Variants in HSPA12A observed in about 807,000 individuals in gnomAD.
HSPA12A encodes heat shock 70 kDa protein 12A.
A neutral mutation model predicts 69.2 loss-of-function variants in HSPA12A; 28 were observed. The observed-to-expected ratio is 0.40, with a 90% confidence interval of 0.30 to 0.55. HSPA12A has a LOEUF of 0.55. HSPA12A is among the 20% of genes least tolerant of loss of function. The pLI, the probability that HSPA12A is intolerant of heterozygous loss-of-function variation, is 0.38. For missense variants in HSPA12A, 686 were observed against 900.7 expected (o/e 0.76, Z 3.05); for synonymous variants, 345 against 370.5 (o/e 0.93, Z 0.79).
chr10:116,672,452 G>C lies in HSPA12A; in HGVS notation c.*2329C>G, dbSNP rs1029541612. ...TGTGCATGGAGAAGGGTCTGATGAG[G>C]CTCCTGATCCAGGCGGTCCACGTGC... is the stretch of plus-strand genomic sequence containing the variant. On this transcript the variant is annotated 3_prime_UTR_variant, in exon 12 of 12. Coordinates refer to ENST00000369209, the MANE Select transcript of HSPA12A (RefSeq NM_025015.3). 8 of 152,228 alleles carry C rather than the reference G, an allele frequency of 5.3e-5. No individual in the cohort carries two copies. Among genetic ancestry groups the C allele is most frequent in the Non-Finnish European group, 1.2e-4 (8 of 68,060 alleles). 9.4% of individuals were successfully genotyped at this position (152,228 alleles called of 1,614,324 possible). A position where few individuals can be genotyped will look rare whatever the true frequency, so the allele number is the denominator to read the frequency against.
At chr10:116,843,154 C>T (rs1845830489) in intron 1 of HSPA12A, among the ~76,000 whole-genome samples, 1 of 152,162 alleles carries the variant, frequency 6.6e-6, no homozygotes, top group Non-Finnish European at 1.5e-5. Context: ...CACATTTTGA[C>T]TATGGCTCCA....
intron 6 of HSPA12A, among the ~76,000 whole-genome samples, chr10:116,689,638 C>T (rs111494204): frequency 7.7e-6 from 1 of 130,134 alleles, no homozygotes; most frequent in African/African-American, 3.0e-5. Flanking sequence ...GACAGACAGA[C>T]AGATAGATAA....
At chr10:116,681,321 G>T in intron 8 of HSPA12A, 65 bp from the exon 9 acceptor site, 2 of 1,343,958 alleles carry the variant, frequency 1.5e-6, no homozygotes, top group East Asian at 2.3e-5. Context: ...CAAGCTTGTG[G>T]GTGGTAACTA....
intron 1 of HSPA12A, among the ~76,000 whole-genome samples, chr10:116,720,451 G>A (rs551356628): frequency 2.0e-5 from 3 of 152,314 alleles, no homozygotes; most frequent in East Asian, 1.9e-4. Context: ...CCGGGGCAGC[G>A]CCCTAGTCAG....
chr10:116,847,183 A>T (rs954966396), intron 1 of HSPA12A, among the ~76,000 whole-genome samples: 8 of 152,158 alleles, frequency 5.3e-5, no homozygotes, highest in African/African-American at 1.9e-4. Flanking sequence ...ATTTCCGTTA[A>T]CTATCACAGA....
rs185665380 is a variant in HSPA12A at position 116,813,449 on chromosome 10, G to A, written c.91+21486C>T. 9.2e-3 allele frequency among the ~76,000 whole-genome samples: 1,393 copies of A among 151,758 alleles called. 18 individuals carry two copies. The highest frequency in any genetic ancestry group is 0.031 in the African/African-American group (1,303 of 41,442). On this transcript the variant is annotated intron_variant, in intron 2 of 12. Coordinates refer to the HSPA12A transcript ENST00000635765. ...TTTTTCGTAGAGACAGGGTTTCACC[G>A]TGTTAGCCAGGATGGTCTTGATCTC...
rs80253466 is a variant in HSPA12A, at chr10:116,752,715, C to T, written c.92-45430G>A. 3.2e-3 allele frequency among the ~76,000 whole-genome samples: 494 copies of T among 152,302 alleles called. 2 individuals are homozygous for T. The highest frequency in any genetic ancestry group is 0.027 in the Middle Eastern group (8 of 294). ...AGTTAGATTATACTTGCTCCATCCC[C>T]GCCTAGCTGTGTGGCCTTGAGTGAC... On this transcript the variant is annotated intron_variant, in intron 2 of 12. Coordinates refer to the HSPA12A transcript ENST00000635765.
chr10:116,817,674 G>A (rs922175229), intron 2 of HSPA12A, among the ~76,000 whole-genome samples: 1 of 152,082 alleles, frequency 6.6e-6, no homozygotes, highest in African/African-American at 2.4e-5. Flanking sequence ...AAATATTTCA[G>A]GCTTGTCACC....
chr10:116,783,921 C>T (rs1844518904), intron 2 of HSPA12A, among the ~76,000 whole-genome samples: 1 of 152,202 alleles, frequency 6.6e-6, no homozygotes, highest in African/African-American at 2.4e-5. Flanking sequence ...CCAGTACGGT[C>T]TTGAACTCTT....
At chr10:116,826,220 C>G (rs535613868) in intron 2 of HSPA12A, among the ~76,000 whole-genome samples, 2 of 152,262 alleles carry the variant, frequency 1.3e-5, no homozygotes, top group South Asian at 2.1e-4. Context: ...TTCACAGCAC[C>G]AAGTTCCTTG....
At chr10:116,679,397 C>G (rs1589620252) in intron 10 of HSPA12A, 106 bp downstream of exon 10, 1 of 1,372,620 alleles carries the variant, frequency 7.3e-7, no homozygotes, top group Middle Eastern at 2.7e-4. Flanking sequence ...GGTCATACAG[C>G]AAGTGTGTAG....
intron 2 of HSPA12A, among the ~76,000 whole-genome samples, chr10:116,808,152 A>T (rs1485826300): frequency 1.3e-5 from 2 of 152,038 alleles, no homozygotes; most frequent in East Asian, 3.9e-4. Flanking sequence ...GGGCTTTTGG[A>T]GGAATATAGA....
At chr10:116,806,378 G>A (rs529546543) in intron 2 of HSPA12A, among the ~76,000 whole-genome samples, 1 of 152,094 alleles carries the variant, frequency 6.6e-6, no homozygotes, top group African/African-American at 2.4e-5. Context: ...GCTAATTTTT[G>A]TATTTTTTTG....
intron 1 of HSPA12A, among the ~76,000 whole-genome samples, chr10:116,721,441 G>A (rs554722055): frequency 1.3e-5 from 2 of 152,306 alleles, no homozygotes; most frequent in Non-Finnish European, 2.9e-5. Flanking sequence ...GAGGCCAGCA[G>A]GGTGCCCCCT....
rs79312130 is a variant in HSPA12A at position 116,752,137 on chromosome 10, G to A, written c.92-44852C>T. On this transcript the variant is annotated intron_variant, in intron 2 of 12. Coordinates refer to the HSPA12A transcript ENST00000635765. Reference sequence around the variant, plus strand: ...GTTGGCCTCTATTTCAGATGGGGACGTTGGGGGTGGTGAGGTCAAGTCACC... The same window carrying A: ...GTTGGCCTCTATTTCAGATGGGGACATTGGGGGTGGTGAGGTCAAGTCACC... Among the ~76,000 whole-genome samples, 1,040 of 152,302 alleles carry A rather than the reference G, an allele frequency of 6.8e-3. 11 individuals are homozygous for A. The highest frequency in any genetic ancestry group is 0.024 in the African/African-American group (986 of 41,560).
At chr10:116,791,879 G>T (rs971099073) in intron 2 of HSPA12A, among the ~76,000 whole-genome samples, 5 of 151,998 alleles carry the variant, frequency 3.3e-5, no homozygotes, top group Non-Finnish European at 7.4e-5. Flanking sequence ...GTGTTCTCAA[G>T]CATCTACTAT....
chr10:116,840,422 T>TCCTTTGTTCTTACCCCAAAAAAACATA (rs1386766412), intron 1 of HSPA12A, among the ~76,000 whole-genome samples: 7 of 152,204 alleles, frequency 4.6e-5, no homozygotes, highest in African/African-American at 1.7e-4. Context: ...AAAGTTATAG[T>TCCTTTGTTCTTACCCCAAAAAAACATA]CCTTTGTTCT....
intron 1 of HSPA12A, among the ~76,000 whole-genome samples, chr10:116,840,856 G>C (rs1220387559): frequency 4.6e-5 from 7 of 152,202 alleles, no homozygotes; most frequent in African/African-American, 1.7e-4. Flanking sequence ...ATTGCTCAGT[G>C]ATGTTTTAAA....
Position 116,676,458 on chromosome 10 carries a change from C to T in HSPA12A, c.1331G>A (p.Ser444Asn), listed in dbSNP as rs782446909. ...KWSSQGMLRM[S>N]PDAMNALFKP... ...AAAAAGGGCGTTCATGGCATCTGGA[C>T]TCATCCGCAGCATCCCCTGCGAGGA... The change falls in exon 11 of 12, where the codon AGT becomes AAT. Residue 444 changes from serine (S) to asparagine (N), a missense_variant. By Grantham distance (46) the Ser-to-Asn change is conservative (BLOSUM62 1). Coordinates refer to ENST00000369209, the MANE Select transcript of HSPA12A (RefSeq NM_025015.3). 6.2e-7 allele frequency: 1 copy of T among 1,614,080 alleles called. No individual in the cohort carries two copies. The highest frequency in any genetic ancestry group is 1.7e-5 in the Admixed American group (1 of 60,030).
Sources: gnomAD v4.1 joint callset for allele counts (sites outside exome capture counted in the v4.1 genomes callset) on GRCh38, gnomAD v4.1.1 for gene constraint, MANE v1.5 for transcripts, NCBI Gene and HGNC (gene_info 2026-07-23, HGNC 2026-07-21) for gene names.